Variants in LPP observed in about 807,000 individuals in gnomAD.
The protein encoded by LPP is LIM domain containing preferred translocation partner in lipoma.
In LPP, 38 loss-of-function variants were observed where a neutral mutation model predicts 60.4. The ratio of observed to expected loss-of-function variants is 0.63; its 90% CI spans 0.49 to 0.83. The LOEUF is 0.83. Ranked by LOEUF, LPP falls within the 40% of genes least tolerant of loss-of-function variation. The pLI is 0.00. For missense variants in LPP, 902 were observed against 783.6 expected, an observed-to-expected ratio of 1.15 and a Z score of -1.80; for synonymous variants, 328 against 290.8, an observed-to-expected ratio of 1.13 and a Z score of -1.30.
chr3:188,407,719 C>G (rs993810914), intron 4 of LPP, among the ~76,000 whole-genome samples: 2 of 149,452 alleles, frequency 1.3e-5, no homozygotes, highest in African/African-American at 5.0e-5. Flanking sequence ...GGAAGAGAAT[C>G]TCTCTTCATA....
chr3:188,443,065 G>A (rs1352421572), intron 4 of LPP, among the ~76,000 whole-genome samples: 1 of 152,188 alleles, frequency 6.6e-6, no homozygotes, highest in Non-Finnish European at 1.5e-5. Flanking sequence ...ACAGGTTGAT[G>A]AAGGGATCAT....
intron 6 of LPP, chr3:188,568,211 A>T (rs1560575281): frequency 6.6e-6 from 1 of 152,058 alleles, no homozygotes; most frequent in Non-Finnish European, 1.5e-5. Context: ...ATGAAATTTC[A>T]GTAAACATTA....
chr3:188,526,820 AG>A (rs112638403), intron 6 of LPP, among the ~76,000 whole-genome samples: 1 of 152,158 alleles, frequency 6.6e-6, no homozygotes. Flanking sequence ...GAGGCAAAAA[AG>A]GTGGATAGTT....
chr3:188,451,536 C>T (rs1796592910), intron 4 of LPP, among the ~76,000 whole-genome samples: 1 of 152,086 alleles, frequency 6.6e-6, no homozygotes, highest in Non-Finnish European at 1.5e-5. Flanking sequence ...AAATTGTGAA[C>T]AAAATAGACA....
At chr3:188,736,079 A>G (rs1415802866) in intron 8 of LPP, among the ~76,000 whole-genome samples, 1 of 152,220 alleles carries the variant, frequency 6.6e-6, no homozygotes, top group East Asian at 1.9e-4. Context: ...CTTAAATGAT[A>G]CGCACAGTCC....
chr3:188,205,339 G>T (rs577669331), intron 1 of LPP, among the ~76,000 whole-genome samples: 41 of 135,374 alleles, frequency 3.0e-4, no homozygotes, highest in African/African-American at 1.2e-3. Context: ...GGAGTGCAAT[G>T]GTGCAATCTT....
chr3:188,846,424 C>G (rs1407906564), intron 9 of LPP, among the ~76,000 whole-genome samples: 1 of 151,950 alleles, frequency 6.6e-6, no homozygotes, highest in Non-Finnish European at 1.5e-5. Flanking sequence ...TGGCTCATGC[C>G]TGTAATCCCA....
At chr3:188,755,213 A>G (rs1245573924) in intron 8 of LPP, among the ~76,000 whole-genome samples, 1 of 152,212 alleles carries the variant, frequency 6.6e-6, no homozygotes, top group Non-Finnish European at 1.5e-5. Flanking sequence ...TTCAAGTAGC[A>G]AGGAAGACAT....
chr3:188,234,704 A>G (rs1203849508), intron 2 of LPP, among the ~76,000 whole-genome samples: 2 of 152,226 alleles, frequency 1.3e-5, no homozygotes, highest in African/African-American at 2.4e-5. Flanking sequence ...TAGAAGATCC[A>G]TGACTTATTG....
At chr3:188,214,971 G>T (rs899484094) in intron 1 of LPP, among the ~76,000 whole-genome samples, 53 of 152,188 alleles carry the variant, frequency 3.5e-4, no homozygotes, top group Middle Eastern at 3.4e-3. Flanking sequence ...TTTAATTTTG[G>T]TGTAATACAT....
intron 1 of LPP, among the ~76,000 whole-genome samples, chr3:188,174,796 C>A (rs893210753): frequency 6.6e-6 from 1 of 152,162 alleles, no homozygotes; most frequent in African/African-American, 2.4e-5. Flanking sequence ...CATATTAATA[C>A]CACCTCTTCC....
chr3:188,734,515 A>T (rs1315962272), intron 8 of LPP, among the ~76,000 whole-genome samples: 2 of 152,230 alleles, frequency 1.3e-5, no homozygotes, highest in African/African-American at 4.8e-5. Context: ...CAATTGCCCC[A>T]TGGCTAATTT....
intron 8 of LPP, chr3:188,708,722 G>A (rs979072688): frequency 9.7e-6 from 4 of 411,122 alleles, no homozygotes; most frequent in East Asian, 3.8e-5. Context: ...GCTGAGTGTG[G>A]TGGCATGTGC....
chr3:188,783,673 C>T (rs757779548), intron 9 of LPP, among the ~76,000 whole-genome samples: 8 of 151,740 alleles, frequency 5.3e-5, no homozygotes, highest in Non-Finnish European at 5.9e-5. Flanking sequence ...GCCTATGTGA[C>T]TAAACCTTCA....
intron 3 of LPP, among the ~76,000 whole-genome samples, chr3:188,401,158 G>A (rs1165594605): frequency 6.6e-6 from 1 of 152,080 alleles, no homozygotes; most frequent in East Asian, 1.9e-4. Context: ...CACTTTCCTT[G>A]GATCCATCCT....
intron 4 of LPP, among the ~76,000 whole-genome samples, chr3:188,462,162 G>C (rs982705840): frequency 6.6e-6 from 1 of 151,944 alleles, no homozygotes; most frequent in Non-Finnish European, 1.5e-5. Flanking sequence ...GGTACATGTA[G>C]TCAGTCACTG....
At chr3:188,223,537 G>T (rs1716609287) in intron 1 of LPP, among the ~76,000 whole-genome samples, 1 of 152,106 alleles carries the variant, frequency 6.6e-6, no homozygotes, top group African/African-American at 2.4e-5. Context: ...TGGAAAATAA[G>T]AAAAAATTAT....
chr3:188,495,759 C>T (rs996123490), intron 5 of LPP, among the ~76,000 whole-genome samples: 6 of 152,208 alleles, frequency 3.9e-5, no homozygotes, highest in African/African-American at 1.2e-4. Flanking sequence ...ACAAATCTTT[C>T]GGTTCTTTTG....
At chr3:188,188,497 G>A (rs4686477) in intron 1 of LPP, among the ~76,000 whole-genome samples, 23 of 151,808 alleles carry the variant, frequency 1.5e-4, no homozygotes, top group Middle Eastern at 3.2e-3. Context: ...ATTATTTGGC[G>A]AAGTGTTATT....
Sources: gnomAD v4.1 joint callset for allele counts (sites outside exome capture counted in the v4.1 genomes callset) on GRCh38, gnomAD v4.1.1 for gene constraint, MANE v1.5 for transcripts, NCBI Gene and HGNC (gene_info 2026-07-23, HGNC 2026-07-21) for gene names.